The following GRM5 variants were observed in gnomAD, a reference collection of about 807,000 sequenced individuals.
GRM5 encodes the protein glutamate metabotropic receptor 5.
Under a neutral mutation model 83.1 loss-of-function variants are expected in GRM5, and 19 were observed. That is an observed-to-expected ratio of 0.23 (90% CI 0.16 to 0.34). The LOEUF (loss-of-function observed/expected upper bound fraction) is 0.34, where lower values mean the gene tolerates loss of function less well. Among genes scored for constraint, GRM5 ranks in the 10% least tolerant of loss-of-function variants. The pLI is 1.00. For synonymous variants in GRM5, 675 were observed against 633.6 expected (o/e 1.07, Z -0.98); for missense variants, 1,160 against 1,588.3 (o/e 0.73, Z 4.58).
rs774341436 is a variant in GRM5, at chr11:88,590,578, G to A, written c.1690+23C>T. On this transcript the variant is annotated intron_variant, in intron 7 of 9. Coordinates refer to ENST00000305447, the MANE Select transcript of GRM5 (RefSeq NM_001143831.3). ...GCACCATTTTTCAGTTAATTTATATGTGGTGAGATTGTGATAGATTACCTG... is the reference window on the plus strand; with the variant it reads ...GCACCATTTTTCAGTTAATTTATATATGGTGAGATTGTGATAGATTACCTG... 8.7e-6 allele frequency: 14 copies of A among 1,603,588 alleles called. No individual in the cohort carries two copies. The Admixed American group carries it at 2.2e-4, about 25-fold the overall frequency.
chr11:88,787,122 TATG>T (rs1445616068), intron 3 of GRM5, among the ~76,000 whole-genome samples: 4 of 136,210 alleles, frequency 2.9e-5, no homozygotes, highest in Non-Finnish European at 6.3e-5. Context: ...AAATATGATA[TATG>T]ATATGATGTG....
chr11:88,622,777 C>T (rs1031201195), intron 4 of GRM5, among the ~76,000 whole-genome samples: 6 of 151,972 alleles, frequency 3.9e-5, no homozygotes, highest in African/African-American at 9.7e-5. Context: ...TCCTAAAATC[C>T]GTAAAATTGC....
intron 3 of GRM5, among the ~76,000 whole-genome samples, chr11:88,818,116 C>A (rs903096136): frequency 2.0e-5 from 3 of 151,932 alleles, no homozygotes; most frequent in African/African-American, 7.2e-5. Flanking sequence ...AACTATAAAT[C>A]TACCTCTATT....
chr11:88,883,400 T>C (rs1245593334), intron 2 of GRM5, among the ~76,000 whole-genome samples: 1 of 152,154 alleles, frequency 6.6e-6, no homozygotes, highest in Non-Finnish European at 1.5e-5. Context: ...GCAAAAAGAC[T>C]GTGGGCATTT....
intron 2 of GRM5, among the ~76,000 whole-genome samples, chr11:88,961,982 T>C (rs896373216): frequency 1.3e-5 from 2 of 152,338 alleles, no homozygotes; most frequent in Non-Finnish European, 2.9e-5. Context: ...TTATATAATG[T>C]CTTATTTTAT....
chr11:88,565,037 G>C (rs1038096729), intron 8 of GRM5, among the ~76,000 whole-genome samples: 37 of 151,272 alleles, frequency 2.4e-4, no homozygotes, highest in Non-Finnish European at 3.1e-4. Flanking sequence ...CTTAAGAAGG[G>C]CTTACTATGT....
intron 3 of GRM5, among the ~76,000 whole-genome samples, chr11:88,764,274 C>T (rs1425122512): frequency 1.3e-5 from 2 of 151,398 alleles, no homozygotes; most frequent in Non-Finnish European, 3.0e-5. Context: ...GACTTCAACA[C>T]CTCATTCTCA....
intron 3 of GRM5, among the ~76,000 whole-genome samples, chr11:88,724,414 C>G (rs61902177): frequency 0.88 from 133,471 of 152,152 alleles, 59,500 homozygotes; most frequent in Non-Finnish European, 0.97. Flanking sequence ...TCCTAACTAA[C>G]TGCCCTCCAT....
intron 3 of GRM5, among the ~76,000 whole-genome samples, chr11:88,716,395 A>AGAT (rs1420527629): frequency 6.6e-6 from 1 of 151,914 alleles, no homozygotes; most frequent in Non-Finnish European, 1.5e-5. Context: ...CTGAGCATTG[A>AGAT]GATAGGAAAG....
chr11:88,857,606 G>C (rs1317692820), intron 2 of GRM5, among the ~76,000 whole-genome samples: 1 of 151,954 alleles, frequency 6.6e-6, no homozygotes, highest in Non-Finnish European at 1.5e-5. Context: ...ATGTTCTTTT[G>C]TTTGATGCCA....
intron 2 of GRM5, among the ~76,000 whole-genome samples, chr11:89,002,285 G>A (rs1940406069): frequency 6.6e-6 from 1 of 152,150 alleles, no homozygotes; most frequent in Non-Finnish European, 1.5e-5. Flanking sequence ...ATTAAAATGT[G>A]TAAGTTATTT....
chr11:88,679,288 ATG>A (rs1261834715), intron 3 of GRM5, among the ~76,000 whole-genome samples: 1 of 152,138 alleles, frequency 6.6e-6, no homozygotes, highest in African/African-American at 2.4e-5. Context: ...AGAAGATTAT[ATG>A]ACTTCTAAAT....
At chr11:88,774,100 C>T (rs774604003) in intron 3 of GRM5, among the ~76,000 whole-genome samples, 7 of 152,126 alleles carry the variant, frequency 4.6e-5, no homozygotes, top group Non-Finnish European at 1.0e-4. Context: ...AAAGTTTCTC[C>T]ATTTGTTCAT....
At chr11:88,897,277 T>C (rs1945241578) in intron 2 of GRM5, among the ~76,000 whole-genome samples, 1 of 151,920 alleles carries the variant, frequency 6.6e-6, no homozygotes, top group Non-Finnish European at 1.5e-5. Context: ...GATATAAATA[T>C]TCATAGGGTT....
intron 2 of GRM5, among the ~76,000 whole-genome samples, chr11:88,859,731 A>C (rs1944530822): frequency 6.6e-6 from 1 of 152,128 alleles, no homozygotes; most frequent in Non-Finnish European, 1.5e-5. Flanking sequence ...GTTCTTCCAA[A>C]GGCCTGCTAC....
At chr11:88,938,114 C>A (rs1937961340) in intron 2 of GRM5, among the ~76,000 whole-genome samples, 1 of 151,760 alleles carries the variant, frequency 6.6e-6, no homozygotes, top group African/African-American at 2.4e-5. Context: ...TTGATTTATT[C>A]ATTTCACAAT....
intron 2 of GRM5, among the ~76,000 whole-genome samples, chr11:88,947,122 T>C (rs749175376): frequency 2.0e-5 from 3 of 152,136 alleles, no homozygotes; most frequent in Non-Finnish European, 4.4e-5. Flanking sequence ...ATAATGTAAG[T>C]AAATGAGAGG....
At chr11:88,819,849 A>G (rs12280136) in intron 3 of GRM5, among the ~76,000 whole-genome samples, 3,846 of 152,208 alleles carry the variant, frequency 0.025, 169 homozygotes, top group African/African-American at 0.088. Flanking sequence ...ATGTTGGCAG[A>G]CAAAAAGGCG....
At chr11:88,714,199 AC>A (rs1258724629) in intron 3 of GRM5, among the ~76,000 whole-genome samples, 9 of 152,086 alleles carry the variant, frequency 5.9e-5, no homozygotes, top group Admixed American at 2.0e-4. Context: ...TGGGGAAGTC[AC>A]AACAGGCTAC....
Sources: allele counts gnomAD v4.1 joint callset (sites outside exome capture counted in the v4.1 genomes callset), GRCh38; gene constraint gnomAD v4.1.1; transcripts MANE v1.5; gene names NCBI Gene and HGNC (gene_info 2026-07-23, HGNC 2026-07-21).